The following NRG1 variants were observed in gnomAD, a reference collection of about 807,000 sequenced individuals.
NRG1 encodes the protein neuregulin 1, also known as pro-neuregulin-1, membrane-bound isoform.
NRG1 carries 18 observed loss-of-function variants against 63.8 expected under a neutral mutation model. The observed-to-expected ratio is 0.28, with a 90% confidence interval of 0.19 to 0.42. The LOEUF is 0.42. NRG1 is among the 10% of genes least tolerant of loss of function. The probability of loss-of-function intolerance (pLI) is 1.00; values close to 1 mark genes in which losing one functional copy is unlikely to be tolerated. For missense variants in NRG1, 762 were observed against 814.7 expected, an observed-to-expected ratio of 0.94 and a Z score of 0.79; for synonymous variants, 302 against 301.3, an observed-to-expected ratio of 1.00 and a Z score of -0.02.
chr8:32,643,515 A>G (rs1852839780), intron 5 of NRG1, among the ~76,000 whole-genome samples: 1 of 152,188 alleles, frequency 6.6e-6, no homozygotes, highest in African/African-American at 2.4e-5. Context: ...TGGGGGAGCC[A>G]TCTTGAACGT....
At chr8:32,048,703 C>A (rs547835816) in intron 1 of NRG1, among the ~76,000 whole-genome samples, 7 of 151,572 alleles carry the variant, frequency 4.6e-5, no homozygotes. Context: ...CGTTAATTTG[C>A]GTTTATCCAG....
chr8:32,065,447 T>C (rs1164016584), intron 1 of NRG1, among the ~76,000 whole-genome samples: 2 of 152,100 alleles, frequency 1.3e-5, no homozygotes, highest in African/African-American at 4.8e-5. Flanking sequence ...AGTGAGAACA[T>C]GTGGTGTTTG....
At chr8:32,068,788 T>C (rs1343498628) in intron 1 of NRG1, among the ~76,000 whole-genome samples, 2 of 152,198 alleles carry the variant, frequency 1.3e-5, no homozygotes, top group Non-Finnish European at 2.9e-5. Flanking sequence ...AAGTATGCTT[T>C]TAAATCATAT....
chr8:32,284,895 C>T (rs1189742233), intron 1 of NRG1, among the ~76,000 whole-genome samples: 1 of 152,128 alleles, frequency 6.6e-6, no homozygotes, highest in Admixed American at 6.5e-5. Context: ...CTGAGCTTCC[C>T]GTCACTCTCT....
chr8:32,509,866 G>A (rs1190036230), intron 1 of NRG1, among the ~76,000 whole-genome samples: 1 of 152,056 alleles, frequency 6.6e-6, no homozygotes, highest in East Asian at 1.9e-4. Flanking sequence ...GAGCTAATAT[G>A]TTTAGAAGTT....
chr8:32,321,541 C>T (rs1586815768), intron 1 of NRG1, among the ~76,000 whole-genome samples: 2 of 148,222 alleles, frequency 1.3e-5, no homozygotes, highest in South Asian at 4.2e-4. Flanking sequence ...TCTTTTTCTC[C>T]ACCACATCCC....
intron 1 of NRG1, among the ~76,000 whole-genome samples, chr8:32,290,710 C>T (rs1158044227): frequency 6.6e-6 from 1 of 152,192 alleles, no homozygotes; most frequent in Non-Finnish European, 1.5e-5. Context: ...CTCCCATCCT[C>T]ATAGTCATAT....
intron 1 of NRG1, among the ~76,000 whole-genome samples, chr8:31,831,802 A>G (rs1052939103): frequency 6.6e-6 from 1 of 151,996 alleles, no homozygotes; most frequent in Non-Finnish European, 1.5e-5. Context: ...CCATTTTGAG[A>G]TTTGTATACA....
At chr8:31,893,041 G>A (rs1253747859) in intron 1 of NRG1, among the ~76,000 whole-genome samples, 1 of 151,468 alleles carries the variant, frequency 6.6e-6, no homozygotes, top group Non-Finnish European at 1.5e-5. Context: ...AGAATATGGG[G>A]GAAAAAACCC....
intron 5 of NRG1, among the ~76,000 whole-genome samples, chr8:32,660,838 C>T (rs771640454): frequency 6.6e-6 from 1 of 152,118 alleles, no homozygotes; most frequent in Non-Finnish European, 1.5e-5. Flanking sequence ...CATGAGCTGT[C>T]GTTACTAGGC....
intron 1 of NRG1, among the ~76,000 whole-genome samples, chr8:31,918,099 T>G (rs1833567202): frequency 1.3e-5 from 2 of 152,186 alleles, no homozygotes; most frequent in Non-Finnish European, 2.9e-5. Context: ...AAGGAGATTT[T>G]GGGCTGAGAC....
chr8:32,516,829 T>C (rs1829867091), intron 1 of NRG1, among the ~76,000 whole-genome samples: 1 of 152,090 alleles, frequency 6.6e-6, no homozygotes, highest in South Asian at 2.1e-4. Flanking sequence ...CATAAGAAGG[T>C]AAGAGTGTCA....
At chr8:32,398,234 C>G (rs754153191) in intron 1 of NRG1, among the ~76,000 whole-genome samples, 10 of 152,068 alleles carry the variant, frequency 6.6e-5, no homozygotes, top group Non-Finnish European at 1.0e-4. Context: ...ACAGCTCAGC[C>G]CCTCCTCTAA....
intron 1 of NRG1, among the ~76,000 whole-genome samples, chr8:32,366,675 GTGTATATATATA>G (rs1246640157): frequency 4.9e-4 from 27 of 54,548 alleles, no homozygotes; most frequent in African/African-American, 1.7e-3. Context: ...GTGTGTGTGT[GTGTATATATATA>G]TATATATATA....
chr8:32,630,948 G>A (rs935540340), intron 5 of NRG1, among the ~76,000 whole-genome samples: 2 of 152,042 alleles, frequency 1.3e-5, no homozygotes, highest in African/African-American at 4.8e-5. Context: ...ATAAGAAATT[G>A]TAGCATTTTG....
In NRG1 at chr8:31,677,664, G is replaced by A. The variant is rs187684431; in HGVS notation, c.37+38233G>A. 6.6e-5 allele frequency among the ~76,000 whole-genome samples: 10 copies of A among 152,214 alleles called. No homozygotes were observed. The East Asian group carries it at 1.9e-3, about 29-fold the overall frequency. ...ATCCACAGTAAAATTTAATGTATTG[G>A]ATCATTTTCAGACTCGCGGCAGCCA... is the stretch of plus-strand genomic sequence containing the variant. On this transcript the variant is annotated intron_variant, in intron 1 of 10. Transcript: ENST00000519301.
intron 1 of NRG1, among the ~76,000 whole-genome samples, chr8:32,569,779 C>T (rs1838156903): frequency 6.6e-6 from 1 of 151,908 alleles, no homozygotes; most frequent in Non-Finnish European, 1.5e-5. Context: ...AACAATCATA[C>T]ACAAGTAAAA....
chr8:32,247,742 A>G (rs896648310), intron 1 of NRG1, among the ~76,000 whole-genome samples: 1 of 152,136 alleles, frequency 6.6e-6, no homozygotes, highest in Non-Finnish European at 1.5e-5. Context: ...GCTTTTTCAA[A>G]AGGGAGAAGA....
intron 1 of NRG1, among the ~76,000 whole-genome samples, chr8:32,419,620 CTA>C (rs1389193880): frequency 1.3e-5 from 2 of 152,158 alleles, no homozygotes; most frequent in Non-Finnish European, 2.9e-5. Flanking sequence ...CTTTCAAAGT[CTA>C]TTTGAATTAT....
Sources: allele counts gnomAD v4.1 joint callset (sites outside exome capture counted in the v4.1 genomes callset), GRCh38; gene constraint gnomAD v4.1.1; transcripts MANE v1.5; gene names NCBI Gene and HGNC (gene_info 2026-07-23, HGNC 2026-07-21).